SRPX: variants seen among roughly 807,000 people sequenced by gnomAD.
The protein encoded by SRPX is sushi repeat-containing protein SRPX.
A neutral mutation model predicts 38.1 loss-of-function variants in SRPX; 24 were observed. The observed-to-expected ratio is 0.63, with a 90% CI of 0.46 to 0.89. The LOEUF is 0.89. Ranked by LOEUF, SRPX falls within the 40% of genes least tolerant of loss-of-function variation. The pLI is 0.00. For missense variants in SRPX, 416 were observed against 377.8 expected (o/e 1.10, Z -0.84); for synonymous variants, 184 against 153.8 (o/e 1.20, Z -1.45).
At chrX:38,168,120 C>T (rs146094401) in intron 4 of SRPX, among the ~76,000 whole-genome samples, 2,435 of 111,204 alleles carry the variant, frequency 0.022, 73 homozygotes, top group African/African-American at 0.075. Context: ...ACATCTAACC[C>T]GGTAGGTAGT....
intron 1 of SRPX, 98 bp downstream of exon 1, chrX:38,220,598 C>T: frequency 9.2e-7 from 1 of 1,087,994 alleles, no homozygotes; most frequent in Non-Finnish European, 1.2e-6. Flanking sequence ...ACAAAGGGCG[C>T]CCCCGGCACC....
At chrX:38,202,253 C>CT (rs1218733009) in intron 1 of SRPX, among the ~76,000 whole-genome samples, 6 of 110,625 alleles carry the variant, frequency 5.4e-5, no homozygotes, top group Non-Finnish European at 7.6e-5. Context: ...GCTCAATAAA[C>CT]TTTTTTTTTC....
At chrX:38,178,238 C>T in intron 2 of SRPX, 47 bp downstream of exon 2, 1 of 1,080,025 alleles carries the variant, frequency 9.3e-7, no homozygotes, top group Admixed American at 2.3e-5. Flanking sequence ...AAGGAAAGTT[C>T]TCCTGGCACC....
chrX:38,210,278 CCA>C (rs1939295981), intron 1 of SRPX, among the ~76,000 whole-genome samples: 1 of 111,768 alleles, frequency 8.9e-6, no homozygotes, highest in Admixed American at 9.5e-5. Flanking sequence ...TCTACAGACC[CCA>C]CTTTGAGATT....
intron 4 of SRPX, among the ~76,000 whole-genome samples, chrX:38,165,637 G>A (rs1938352872): frequency 8.9e-6 from 1 of 112,135 alleles, no homozygotes; most frequent in Non-Finnish European, 1.9e-5. Context: ...GTAGATAATG[G>A]CACTGTGAAT....
chrX:38,203,186 C>T (rs1939145270), intron 1 of SRPX, among the ~76,000 whole-genome samples: 1 of 111,112 alleles, frequency 9.0e-6, no homozygotes, highest in African/African-American at 3.3e-5. Flanking sequence ...TCCAGATGAT[C>T]ATATCAATTA....
chrX:38,199,492 G>C (rs779643730), intron 1 of SRPX, among the ~76,000 whole-genome samples: 1 of 111,197 alleles, frequency 9.0e-6, no homozygotes, highest in Admixed American at 9.5e-5. Context: ...GGTCTTTCTA[G>C]AAGACTAGGG....
At chrX:38,186,846 C>A (rs147690013) in intron 1 of SRPX, among the ~76,000 whole-genome samples, 1 of 111,974 alleles carries the variant, frequency 8.9e-6, no homozygotes. Context: ...GACAACCTTG[C>A]AGTATTTATG....
In SRPX at chrX:38,164,903, T is replaced by C; in HGVS notation, c.527-8A>G. 1 of 1,207,088 alleles carries C rather than the reference T, an allele frequency of 8.3e-7. No individual in the cohort carries two copies. On this transcript the variant is annotated splice_region_variant and splice_polypyrimidine_tract_variant and intron_variant, in intron 4 of 9. Coordinates refer to ENST00000378533, the MANE Select transcript of SRPX (RefSeq NM_006307.5). ...TTCTAGGAGGTTCCATATCTGAAAATATAACCAAAACATTCTCATCATCAT... is the reference window on the plus strand; with the variant it reads ...TTCTAGGAGGTTCCATATCTGAAAACATAACCAAAACATTCTCATCATCAT...
At chrX:38,152,115 C>T (rs1417521153) in intron 9 of SRPX, among the ~76,000 whole-genome samples, 1 of 111,679 alleles carries the variant, frequency 9.0e-6, no homozygotes, top group Non-Finnish European at 1.9e-5. Context: ...TCCTTCTCCT[C>T]TTTTGCTTCC....
chrX:38,186,634 T>C (rs781062193), intron 1 of SRPX, among the ~76,000 whole-genome samples: 3 of 111,565 alleles, frequency 2.7e-5, no homozygotes, highest in Non-Finnish European at 5.7e-5. Flanking sequence ...CAGATCCCCT[T>C]TACTCAGGCT....
intron 1 of SRPX, among the ~76,000 whole-genome samples, chrX:38,217,320 C>T (rs1000107513): frequency 5.4e-5 from 6 of 112,138 alleles, no homozygotes; most frequent in Admixed American, 1.9e-4. Flanking sequence ...AAAAGGAAGG[C>T]ACGTTGCTTC....
chrX:38,216,648 G>A (rs1291799933), intron 1 of SRPX, among the ~76,000 whole-genome samples: 1 of 112,558 alleles, frequency 8.9e-6, no homozygotes, highest in Non-Finnish European at 1.9e-5. Flanking sequence ...TCTAACCTGG[G>A]CATTAATCAT....
chrX:38,215,837 A>G (rs1167910953), intron 1 of SRPX, among the ~76,000 whole-genome samples: 1 of 112,043 alleles, frequency 8.9e-6, no homozygotes, highest in Non-Finnish European at 1.9e-5. Flanking sequence ...TTTGCTTGGT[A>G]CTGCTTTTTA....
intron 1 of SRPX, among the ~76,000 whole-genome samples, chrX:38,219,505 G>A (rs1241797631): frequency 2.7e-5 from 3 of 111,546 alleles, no homozygotes; most frequent in Non-Finnish European, 3.8e-5. Flanking sequence ...ACTTTACCCT[G>A]AATCAGTTCC....
chrX:38,213,364 A>G (rs1175984571), intron 1 of SRPX, among the ~76,000 whole-genome samples: 1 of 112,138 alleles, frequency 8.9e-6, no homozygotes, highest in Admixed American at 9.5e-5. Context: ...CATGAATTGT[A>G]TCTCAATAAA....
intron 1 of SRPX, among the ~76,000 whole-genome samples, chrX:38,183,475 T>C (rs1466082559): frequency 1.8e-5 from 2 of 112,075 alleles, no homozygotes; most frequent in Non-Finnish European, 3.8e-5. Context: ...TGATGACTAG[T>C]CTGCAAAATA....
In SRPX at chrX:38,156,965, C is replaced by T; in HGVS notation, c.1020G>A (p.Arg340=). ...AALLDQFYEK[R]RLLIVSTPTA... ...TGGGTGTGGACACAATGAGGAGTCT[C>T]CTTTTCTCATAAAACTGATCCAGAA... Residue 340 remains arginine, a synonymous_variant, in exon 8 of 10, where the codon AGG becomes AGA. Coordinates refer to ENST00000378533, the MANE Select transcript of SRPX (RefSeq NM_006307.5). 1 of 1,211,490 alleles carries T rather than the reference C, an allele frequency of 8.3e-7. No homozygotes were observed. The highest frequency in any genetic ancestry group is 1.1e-6 in the Non-Finnish European group (1 of 895,355).
intron 4 of SRPX, among the ~76,000 whole-genome samples, chrX:38,169,967 CA>C (rs1221206414): frequency 8.9e-6 from 1 of 112,464 alleles, no homozygotes. Flanking sequence ...TGTGGCTCTT[CA>C]AAGACTTTTT....
Sources: allele counts gnomAD v4.1 joint callset (sites outside exome capture counted in the v4.1 genomes callset), GRCh38; gene constraint gnomAD v4.1.1; transcripts MANE v1.5; gene names NCBI Gene and HGNC (gene_info 2026-07-23, HGNC 2026-07-21).